UBR1: variants seen among roughly 807,000 people sequenced by gnomAD.
UBR1 encodes ubiquitin protein ligase E3 component n-recognin 1, also known as E3 ubiquitin-protein ligase UBR1.
In UBR1, 102 loss-of-function variants were observed where a neutral mutation model predicts 242.1. That is an observed-to-expected ratio of 0.42 (90% CI 0.36 to 0.50). UBR1 has a LOEUF of 0.50. Among genes scored for constraint, UBR1 ranks in the 20% least tolerant of loss-of-function variants. The pLI is 0.01. For synonymous variants in UBR1, 675 were observed against 684.8 expected, an observed-to-expected ratio of 0.99 and a Z score of 0.22; for missense variants, 1,772 against 2,101.8, an observed-to-expected ratio of 0.84 and a Z score of 3.07.
chr15:42,995,743 A>G lies in UBR1; in HGVS notation c.3757+2425T>C, dbSNP rs563924427. Among the ~76,000 whole-genome samples, 40 of 152,302 alleles carry G rather than the reference A, an allele frequency of 2.6e-4. No homozygotes were observed. In the South Asian group the frequency reaches 5.2e-3, roughly 20 times the overall value. On this transcript the variant is annotated intron_variant, in intron 33 of 46. Transcript: ENST00000290650. ...TGCCAAAAATCACTTCTTAGCAAAT[A>G]TAAGTTCTTTTGTTAGAAGAGTTTT... is the stretch of plus-strand genomic sequence containing the variant.
At chr15:42,960,793 G>T in intron 42 of UBR1, 92 bp from the exon 43 acceptor site, 1 of 1,325,822 alleles carries the variant, frequency 7.5e-7, no homozygotes, top group South Asian at 1.2e-5. Flanking sequence ...TTTTGAGATG[G>T]ATTCTCACTC....
intron 6 of UBR1, among the ~76,000 whole-genome samples, chr15:43,063,073 A>T (rs1407835179): frequency 6.6e-6 from 1 of 152,194 alleles, no homozygotes; most frequent in Non-Finnish European, 1.5e-5. Flanking sequence ...TGGGTGTACA[A>T]CATTATCTCA....
chr15:42,976,020 C>A (rs1419578139), intron 39 of UBR1, among the ~76,000 whole-genome samples: 1 of 152,152 alleles, frequency 6.6e-6, no homozygotes, highest in African/African-American at 2.4e-5. Flanking sequence ...ACCCAGCCCC[C>A]AGACTTTGCT....
chr15:43,060,084 C>T lies in UBR1; in HGVS notation c.829G>A (p.Ala277Thr). Reference sequence around the variant, plus strand: ...TCTTCCTTTGCTTCCTGGCAAGCAGCATAAGCTCCCGCTTTAACAGCCCGA... The same window carrying T: ...TCTTCCTTTGCTTCCTGGCAAGCAGTATAAGCTCCCGCTTTAACAGCCCGA... ...GRRAVKAGAYAACQEAKEDIK... is the reference protein window; with the variant it reads ...GRRAVKAGAYTACQEAKEDIK... Residue 277 changes from alanine to threonine, a missense_variant, in exon 7 of 47, where the codon GCT becomes ACT. By Grantham distance (58) the Ala-to-Thr change is moderately conservative. Transcript: ENST00000290650. The T allele has an allele frequency of 6.2e-7, 1 of 1,614,124 alleles. No individual in the cohort carries two copies. The highest frequency in any genetic ancestry group is 8.5e-7 in the Non-Finnish European group (1 of 1,180,016).
intron 43 of UBR1, among the ~76,000 whole-genome samples, chr15:42,958,604 A>T (rs150201144): frequency 7.3e-4 from 111 of 152,340 alleles, no homozygotes; most frequent in African/African-American, 2.5e-3. Context: ...AGAAATGTCA[A>T]ATTAAATATG....
At chr15:43,099,560 C>T (rs1301776106) in intron 1 of UBR1, among the ~76,000 whole-genome samples, 2 of 152,162 alleles carry the variant, frequency 1.3e-5, no homozygotes, top group Non-Finnish European at 2.9e-5. Context: ...TAAATGGGTA[C>T]ATTTTATTGT....
intron 30 of UBR1, among the ~76,000 whole-genome samples, chr15:43,006,682 TCTAATCAGGAGGCAACTTAACAA>T (rs1221170714): frequency 8.5e-5 from 13 of 152,240 alleles, no homozygotes; most frequent in Non-Finnish European, 1.9e-4. Context: ...TTAACATGAT[TCTAATCAGGAGGCAACTTAACAA>T]TCAGATAAAT....
intron 46 of UBR1, among the ~76,000 whole-genome samples, chr15:42,946,512 C>T (rs1294491373): frequency 1.3e-5 from 2 of 152,206 alleles, no homozygotes; most frequent in African/African-American, 4.8e-5. Flanking sequence ...TCATTAACTA[C>T]TTTCACCACT....
At chr15:42,957,051 C>T (rs1468396313) in intron 44 of UBR1, among the ~76,000 whole-genome samples, 1 of 152,108 alleles carries the variant, frequency 6.6e-6, no homozygotes, top group African/African-American at 2.4e-5. Flanking sequence ...ACTTTATGTC[C>T]ACAAAGAAAC....
At chr15:43,024,173 G>T (rs1262402071) in intron 25 of UBR1, among the ~76,000 whole-genome samples, 1 of 152,174 alleles carries the variant, frequency 6.6e-6, no homozygotes, top group African/African-American at 2.4e-5. Context: ...ACTAGTGAAT[G>T]TATTTATCAG....
intron 1 of UBR1, among the ~76,000 whole-genome samples, chr15:43,100,013 C>T (rs1312546568): frequency 6.6e-6 from 1 of 151,992 alleles, no homozygotes; most frequent in Non-Finnish European, 1.5e-5. Context: ...GTAGCTGGGA[C>T]TACAGGCGCC....
intron 45 of UBR1, 131 bp downstream of exon 45, chr15:42,952,147 C>G (rs761947045): frequency 1.1e-4 from 130 of 1,141,942 alleles, no homozygotes; most frequent in Non-Finnish European, 1.6e-4. Flanking sequence ...AATTTCATGT[C>G]AATAACAGGT....
At chr15:43,057,193 T>C (rs1378933757) in intron 10 of UBR1, among the ~76,000 whole-genome samples, 1 of 152,228 alleles carries the variant, frequency 6.6e-6, no homozygotes, top group African/African-American at 2.4e-5. Context: ...CAATATTCTA[T>C]ATCTGAAGAG....
intron 3 of UBR1, among the ~76,000 whole-genome samples, chr15:43,075,778 G>A (rs565222270): frequency 0.021 from 3,187 of 151,486 alleles, 132 homozygotes; most frequent in African/African-American, 0.074. Context: ...ACCACGCCTG[G>A]CTAATTTTGT....
intron 46 of UBR1, among the ~76,000 whole-genome samples, chr15:42,947,280 G>C (rs935824370): frequency 6.6e-6 from 1 of 152,142 alleles, no homozygotes; most frequent in African/African-American, 2.4e-5. Context: ...ACAAACAATA[G>C]AACACTGAAA....
intron 12 of UBR1, among the ~76,000 whole-genome samples, chr15:43,050,425 T>A (rs1454837828): frequency 6.6e-6 from 1 of 152,070 alleles, no homozygotes; most frequent in Non-Finnish European, 1.5e-5. Flanking sequence ...AATGAATAAG[T>A]GAGGCCGGGT....
At chr15:43,055,251 C>T (rs2033602560) in intron 11 of UBR1, among the ~76,000 whole-genome samples, 1 of 152,116 alleles carries the variant, frequency 6.6e-6, no homozygotes, top group East Asian at 1.9e-4. Flanking sequence ...TCGAGACTAT[C>T]CTGGTCAACA....
intron 37 of UBR1, among the ~76,000 whole-genome samples, chr15:42,982,617 C>T (rs559375865): frequency 6.6e-6 from 1 of 152,086 alleles, no homozygotes; most frequent in Non-Finnish European, 1.5e-5. Context: ...TCCACATCAA[C>T]AGGATGAGCG....
At chr15:43,016,983 T>G (rs1401017827) in intron 28 of UBR1, 112 bp downstream of exon 28, 1 of 764,884 alleles carries the variant, frequency 1.3e-6, no homozygotes, top group Non-Finnish European at 2.3e-6. Context: ...TCTCATATAC[T>G]TCACAATCAA....
Sources: gnomAD v4.1 joint callset for allele counts (sites outside exome capture counted in the v4.1 genomes callset) on GRCh38, gnomAD v4.1.1 for gene constraint, MANE v1.5 for transcripts, NCBI Gene and HGNC (gene_info 2026-07-23, HGNC 2026-07-21) for gene names.